The following CTIF variants were observed in gnomAD, a reference collection of about 807,000 sequenced individuals.
The protein encoded by CTIF is cap binding complex dependent translation initiation factor.
A neutral mutation model predicts 66.0 loss-of-function variants in CTIF; 21 were observed. The observed-to-expected ratio is 0.32, with a 90% CI of 0.23 to 0.46. CTIF has a LOEUF of 0.46. Ranked by LOEUF, CTIF falls within the 20% of genes least tolerant of loss-of-function variation. The probability of loss-of-function intolerance (pLI) is 1.00; values close to 1 mark genes in which losing one functional copy is unlikely to be tolerated. For missense variants in CTIF, 739 were observed against 812.7 expected (o/e 0.91, Z 1.10); for synonymous variants, 345 against 326.4 (o/e 1.06, Z -0.62).
At chr18:48,588,483 G>A (rs1350564297) in intron 1 of CTIF, among the ~76,000 whole-genome samples, 1 of 152,198 alleles carries the variant, frequency 6.6e-6, no homozygotes, top group African/African-American at 2.4e-5. Flanking sequence ...CTCAGACCAT[G>A]TGGTCCCAAA....
chr18:48,625,895 G>A (rs2090584088), intron 2 of CTIF, among the ~76,000 whole-genome samples: 1 of 152,042 alleles, frequency 6.6e-6, no homozygotes, highest in African/African-American at 2.4e-5. Flanking sequence ...AATTTTAATA[G>A]CTGTTGTTAA....
At chr18:48,822,828 G>GT (rs964870162) in intron 10 of CTIF, among the ~76,000 whole-genome samples, 39 of 151,678 alleles carry the variant, frequency 2.6e-4, no homozygotes, top group African/African-American at 7.0e-4. Context: ...TTTGTCTTTT[G>GT]TTTTTTTTGC....
chr18:48,859,332 C>T lies in CTIF; in HGVS notation c.1582-12C>T, dbSNP rs1216572058. ...ACCCGAGGCCATCCTAACCCCACATCTCTGTCTGCAGCTGCAGAGTACAGG... is the reference window on the plus strand; with the variant it reads ...ACCCGAGGCCATCCTAACCCCACATTTCTGTCTGCAGCTGCAGAGTACAGG... On this transcript the variant is annotated splice_polypyrimidine_tract_variant and intron_variant, in intron 11 of 11. Coordinates refer to ENST00000256413, the MANE Select transcript of CTIF (RefSeq NM_014772.3). The T allele has an allele frequency of 6.2e-7, 1 of 1,613,058 alleles. No homozygotes were observed. Among genetic ancestry groups the T allele is most frequent in the South Asian group, 1.1e-5 (1 of 91,070 alleles).
At chr18:48,660,272 G>A (rs1451860373) in intron 3 of CTIF, among the ~76,000 whole-genome samples, 1 of 151,366 alleles carries the variant, frequency 6.6e-6, no homozygotes, top group African/African-American at 2.4e-5. Flanking sequence ...TTGGTTGCGT[G>A]ACTGCCATGG....
chr18:48,818,914 A>C lies in CTIF; in HGVS notation c.1527+1538A>C, dbSNP rs189994596. 9.1e-3 allele frequency among the ~76,000 whole-genome samples: 1,387 copies of C among 152,234 alleles called. 8 individuals carry two copies. Among genetic ancestry groups the C allele is most frequent in the Non-Finnish European group, 0.014 (976 of 67,996 alleles). ...ACGTCTTTCGAGAAGTTTTTCTGTG[A>C]ATGGCAGCAGGGAAGGAGAGCTGTG... On this transcript the variant is annotated intron_variant, in intron 10 of 11. Transcript: ENST00000256413.
At chr18:48,681,871 C>T (rs1038429120) in intron 6 of CTIF, among the ~76,000 whole-genome samples, 9 of 152,112 alleles carry the variant, frequency 5.9e-5, no homozygotes, top group African/African-American at 1.4e-4. Context: ...CTGTAACCTC[C>T]GCCTCCCAGG....
intron 10 of CTIF, among the ~76,000 whole-genome samples, chr18:48,843,048 T>C (rs936903572): frequency 6.6e-6 from 1 of 152,102 alleles, no homozygotes; most frequent in African/African-American, 2.4e-5. Flanking sequence ...TGGAGGGACC[T>C]GTGATTTCAG....
At chr18:48,581,585 C>T (rs1025626864) in intron 1 of CTIF, among the ~76,000 whole-genome samples, 12 of 152,124 alleles carry the variant, frequency 7.9e-5, no homozygotes, top group African/African-American at 2.7e-4. Context: ...CGAGTGCTTT[C>T]TCTGCTGGTA....
chr18:48,800,089 GAGGGTCCCC>G (rs2068017720), intron 9 of CTIF, among the ~76,000 whole-genome samples: 1 of 152,234 alleles, frequency 6.6e-6, no homozygotes, highest in South Asian at 2.1e-4. Flanking sequence ...GCCGGAGGAA[GAGGGTCCCC>G]AGCTCTGGTT....
chr18:48,662,768 T>G (rs1187519108), intron 3 of CTIF: 1 of 152,128 alleles, frequency 6.6e-6, no homozygotes, highest in Non-Finnish European at 1.5e-5. Flanking sequence ...GGTTCTCTTT[T>G]GCATCTGGGT....
chr18:48,746,172 C>T (rs868715549), intron 7 of CTIF, among the ~76,000 whole-genome samples: 5 of 152,210 alleles, frequency 3.3e-5, no homozygotes, highest in East Asian at 1.9e-4. Flanking sequence ...CTTTGCTTCA[C>T]GTAGGGGCCT....
chr18:48,722,588 A>G (rs1043719091), intron 7 of CTIF, among the ~76,000 whole-genome samples: 5 of 151,670 alleles, frequency 3.3e-5, no homozygotes, highest in African/African-American at 1.2e-4. Flanking sequence ...ACCCAGCCAT[A>G]CCTGTTGGTG....
chr18:48,594,307 C>A (rs1296058490), intron 1 of CTIF, among the ~76,000 whole-genome samples: 1 of 151,966 alleles, frequency 6.6e-6, no homozygotes, highest in Admixed American at 6.6e-5. Flanking sequence ...GAGCAAGAAG[C>A]CCTTCATTCT....
At chr18:48,669,796 TATA>T (rs2091495873) in intron 5 of CTIF, among the ~76,000 whole-genome samples, 1 of 39,638 alleles carries the variant, frequency 2.5e-5, no homozygotes, top group Admixed American at 2.0e-4. Context: ...TAAACATTTA[TATA>T]TATATATATA....
At chr18:48,620,844 T>A (rs1172068606) in intron 2 of CTIF, among the ~76,000 whole-genome samples, 3 of 152,124 alleles carry the variant, frequency 2.0e-5, no homozygotes, top group Admixed American at 6.5e-5. Flanking sequence ...ACCCCTAGCT[T>A]TTTAGAAGCC....
chr18:48,741,510 G>A (rs959506646), intron 7 of CTIF, among the ~76,000 whole-genome samples: 13 of 139,814 alleles, frequency 9.3e-5, no homozygotes, highest in Admixed American at 4.0e-4. Flanking sequence ...TGCAACCTCC[G>A]CCCCCCAGGT....
intron 3 of CTIF, among the ~76,000 whole-genome samples, chr18:48,647,491 A>G (rs760205214): frequency 1.3e-5 from 2 of 152,238 alleles, no homozygotes; most frequent in African/African-American, 2.4e-5. Flanking sequence ...ATTGAACTAT[A>G]CTTTCCCCAT....
chr18:48,722,747 C>G (rs1276456248), intron 7 of CTIF, among the ~76,000 whole-genome samples: 1 of 152,082 alleles, frequency 6.6e-6, no homozygotes, highest in South Asian at 2.1e-4. Flanking sequence ...TCAGCGCTCA[C>G]AGGTGTAAGC....
At chr18:48,585,180 C>A (rs2089740312) in intron 1 of CTIF, among the ~76,000 whole-genome samples, 1 of 152,248 alleles carries the variant, frequency 6.6e-6, no homozygotes, top group Non-Finnish European at 1.5e-5. Context: ...CAGGGCAGAC[C>A]AAGCTGCCGG....
Sources: gnomAD v4.1 joint callset for allele counts (sites outside exome capture counted in the v4.1 genomes callset) on GRCh38, gnomAD v4.1.1 for gene constraint, MANE v1.5 for transcripts, NCBI Gene and HGNC (gene_info 2026-07-23, HGNC 2026-07-21) for gene names.